USP9Y: variants seen among roughly 807,000 people sequenced by gnomAD.
USP9Y encodes the protein ubiquitin specific peptidase 9 Y-linked, also known as ubiquitin carboxyl-terminal hydrolase 9Y.
In USP9Y, 41 loss-of-function variants were observed where a neutral mutation model predicts 53.1. That is an observed-to-expected ratio of 0.77 (90% CI 0.60 to 1.00). The LOEUF is 1.00. Ranked by LOEUF, USP9Y falls within the 50% of genes least tolerant of loss-of-function variation. USP9Y has a pLI of 0.00. For missense variants in USP9Y, 567 were observed against 535.8 expected (o/e 1.06, Z -0.58); for synonymous variants, 220 against 173.7 (o/e 1.27, Z -2.09).
At chrY:12,719,595 T>C in intron 3 of USP9Y, among the ~76,000 whole-genome samples, 1 of 33,444 alleles carries the variant, frequency 3.0e-5, no homozygotes, top group Non-Finnish European at 7.4e-5. Context: ...TCTTTGATAA[T>C]GTAGTTTGGG....
chrY:12,720,679 G>A lies in USP9Y; in HGVS notation c.187G>A (p.Asp63Asn). Residue 63 changes from aspartate to asparagine, a missense_variant, in exon 4 of 46, where the codon GAT becomes AAT. Physicochemically the swap from Asp to Asn is conservative, Grantham distance 23. Transcript: ENST00000338981. Reference sequence around the variant, plus strand: ...AGGTGATGCCCCACCACAGCATGAAGATGAAGAGCCTGCATTTCCACATAC... The same window carrying A: ...AGGTGATGCCCCACCACAGCATGAAAATGAAGAGCCTGCATTTCCACATAC... ...GQGDAPPQHE[D>N]EEPAFPHTEL... 2.5e-6 allele frequency: 1 copy of A among 398,656 alleles called. No homozygotes were observed. Among genetic ancestry groups the A allele is most frequent in the Non-Finnish European group, 3.5e-6 (1 of 283,328 alleles).
Position 12,846,387 on chromosome Y carries a change from T to C in USP9Y, c.6623T>C (p.Leu2208Pro). The C allele has an allele frequency of 2.5e-6, 1 of 398,533 alleles. No individual in the cohort carries two copies. The highest frequency in any genetic ancestry group is 3.5e-6 in the Non-Finnish European group (1 of 283,416). Residue 2208 changes from leucine to proline, a missense_variant, in exon 40 of 46, where the codon CTT (leucine) becomes CCT (proline). Physicochemically the swap from Leu to Pro is moderately conservative, Grantham distance 98. Coordinates refer to ENST00000338981, the MANE Select transcript of USP9Y (RefSeq NM_004654.4). ...TTGAATGTACCTGCTACCTTTATGCTTGTGTCTTTAGACGAAGGACCAGGT... is the reference window on the plus strand; with the variant it reads ...TTGAATGTACCTGCTACCTTTATGCCTGTGTCTTTAGACGAAGGACCAGGT... ...LKLNVPATFM[L>P]VSLDEGPGPP... is the part of the protein sequence containing the mutation.
chrY:12,789,194 C>T (rs2053504971), intron 24 of USP9Y, among the ~76,000 whole-genome samples: 3 of 33,273 alleles, frequency 9.0e-5, no homozygotes, highest in Admixed American at 8.2e-4. Context: ...TTTTAAAATT[C>T]GTTGGTTGAA....
chrY:12,739,579 G>T lies in USP9Y; in HGVS notation c.1372G>T (p.Ala458Ser), dbSNP rs1459106319. The change falls in exon 12 of 46, where the codon GCT becomes TCT. Residue 458 changes from alanine to serine, a missense_variant. Ala to Ser is a moderately conservative substitution (Grantham distance 99). Coordinates refer to ENST00000338981, the MANE Select transcript of USP9Y (RefSeq NM_004654.4). ...KNVHDLLAKL[A>S]WDFSPGQLDH... ...TGTACATGATCTGCTAGCAAAGTTG[G>T]CTTGGGATTTTTCTCCTGGACAACT... The T allele has an allele frequency of 2.5e-6, 1 of 396,419 alleles. No individual in the cohort carries two copies. The highest frequency in any genetic ancestry group is 3.0e-5 in the South Asian group (1 of 33,467).
At chrY:12,762,988 A>G (rs2053476865) in intron 15 of USP9Y, among the ~76,000 whole-genome samples, 1 of 33,414 alleles carries the variant, frequency 3.0e-5, no homozygotes, top group Non-Finnish European at 7.4e-5. Flanking sequence ...ATAAACCAAT[A>G]CCAACAAAAA....
At chrY:12,741,194 T>G in intron 12 of USP9Y, among the ~76,000 whole-genome samples, 1 of 32,268 alleles carries the variant, frequency 3.1e-5, no homozygotes, top group African/African-American at 1.2e-4. Flanking sequence ...AGAGGGAGAC[T>G]GTCACAAAAG....
chrY:12,763,209 A>G, intron 15 of USP9Y, among the ~76,000 whole-genome samples: 1 of 33,438 alleles, frequency 3.0e-5, no homozygotes, highest in Non-Finnish European at 7.4e-5. Context: ...ATTTTAGATA[A>G]CAAAGTAACA....
rs776453903 is a variant in USP9Y, at chrY:12,793,039, A to G, written c.3821A>G (p.Asn1274Ser). 2.5e-6 allele frequency: 1 copy of G among 398,754 alleles called. No individual in the cohort carries two copies. Among genetic ancestry groups the G allele is most frequent in the South Asian group, 3.0e-5 (1 of 33,792 alleles). ...EITKIYQMTT[N>S]GSNKLEVEDE... ...CTGATTCTAATTTTGCAGACCACCA[A>G]TGGAAGCAATAAGCTGGAGGTGGAA... Residue 1274 changes from asparagine (N) to serine (S), a missense_variant, in exon 27 of 46, where the codon AAT becomes AGT. By Grantham distance (46) the Asn-to-Ser change is conservative. Transcript: ENST00000338981.
chrY:12,732,578 G>A (rs2053447840), intron 7 of USP9Y, among the ~76,000 whole-genome samples: 1 of 33,116 alleles, frequency 3.0e-5, no homozygotes, highest in Admixed American at 2.7e-4. Context: ...TCCTGACCTT[G>A]TGATCCGCCT....
intron 15 of USP9Y, among the ~76,000 whole-genome samples, chrY:12,767,606 C>CTGTGTGTG (rs199662654): frequency 3.8e-5 from 1 of 26,644 alleles, no homozygotes; most frequent in South Asian, 8.7e-4. Flanking sequence ...GTGTGTGTAT[C>CTGTGTGTG]TGTGTGTGTG....
chrY:12,833,579 T>C (rs998857845), intron 33 of USP9Y, 109 bp from the exon 34 acceptor site: 28 of 247,857 alleles, frequency 1.1e-4, no homozygotes, highest in Non-Finnish European at 1.8e-4. Context: ...CTCCTTTCTA[T>C]GTGGCTTAAA....
At chrY:12,845,893 T>C in intron 39 of USP9Y, among the ~76,000 whole-genome samples, 1 of 32,547 alleles carries the variant, frequency 3.1e-5, no homozygotes, top group Non-Finnish European at 7.5e-5. Flanking sequence ...GGTTTCACCA[T>C]GTTGAAAAGG....
At chrY:12,817,840 T>C in intron 32 of USP9Y, among the ~76,000 whole-genome samples, 1 of 33,456 alleles carries the variant, frequency 3.0e-5, no homozygotes, top group East Asian at 7.8e-4. Context: ...AACTGGGTAT[T>C]ATTTATTTCT....
rs72609652 is a variant in USP9Y at position 12,799,147 on chromosome Y, G to A, written c.3983+5946G>A. Among the ~76,000 whole-genome samples, 130 of 32,735 alleles carry A rather than the reference G, an allele frequency of 4.0e-3. No individual in the cohort carries two copies. In the East Asian group the frequency reaches 0.1, roughly 26 times the overall value. 87.8% of individuals were successfully genotyped at this position (32,735 alleles called of 37,273 possible). A position where few individuals can be genotyped will look rare whatever the true frequency, so the allele number is the denominator to read the frequency against. On this transcript the variant is annotated intron_variant, in intron 27 of 45. Transcript: ENST00000338981. ...TGCTGGGATTACAGGGGTGAGCCAC[G>A]ACATCCAGAGGCCCCACCCTAAGGT...
At chrY:12,715,369 G>C in intron 3 of USP9Y, among the ~76,000 whole-genome samples, 2 of 27,900 alleles carry the variant, frequency 7.2e-5, no homozygotes, top group Non-Finnish European at 1.7e-4. Flanking sequence ...CCCAGGCTGT[G>C]GTGCAGTGGT....
chrY:12,739,645 G>T lies in USP9Y; in HGVS notation c.1422+16G>T. 1 of 308,970 alleles carries T rather than the reference G, an allele frequency of 3.2e-6. No individual in the cohort carries two copies. Among genetic ancestry groups the T allele is most frequent in the South Asian group, 3.3e-5 (1 of 29,952 alleles). The allele number at this position is 308,970 out of a possible 400,897, so 77.1% of individuals were successfully genotyped here. A position where few individuals can be genotyped will look rare whatever the true frequency, so the allele number is the denominator to read the frequency against. On this transcript the variant is annotated intron_variant, in intron 12 of 45. Transcript: ENST00000338981. ...TTGCTTTAAGGTAGTAGCTTGAATA[G>T]TAAAGTATTGCCAAATAGTAAATAT...
At chrY:12,814,609 A>G in intron 31 of USP9Y, among the ~76,000 whole-genome samples, 1 of 32,179 alleles carries the variant, frequency 3.1e-5, no homozygotes, top group Admixed American at 2.8e-4. Flanking sequence ...ATTTTCAAAT[A>G]CAAAAGAGGA....
At chrY:12,821,688 C>T in intron 33 of USP9Y, among the ~76,000 whole-genome samples, 1 of 27,930 alleles carries the variant, frequency 3.6e-5, no homozygotes, top group South Asian at 8.7e-4. Context: ...GGCTGGAGTA[C>T]AGTGGTGCAA....
chrY:12,735,785 T>C, intron 8 of USP9Y, 58 bp downstream of exon 8: 3 of 268,141 alleles, frequency 1.1e-5, no homozygotes, highest in Non-Finnish European at 1.7e-5. Flanking sequence ...TAATTGCAGC[T>C]CTTATTAAGT....
Sources: gnomAD v4.1 joint callset for allele counts (sites outside exome capture counted in the v4.1 genomes callset) on GRCh38, gnomAD v4.1.1 for gene constraint, MANE v1.5 for transcripts, NCBI Gene and HGNC (gene_info 2026-07-23, HGNC 2026-07-21) for gene names.